Variants in PCDHA9 observed in about 807,000 individuals in gnomAD.
PCDHA9 encodes protocadherin alpha-9.
Under a neutral mutation model 62.0 loss-of-function variants are expected in PCDHA9, and 62 were observed. The ratio of observed to expected loss-of-function variants is 1.00; its 90% CI spans 0.81 to 1.23. The LOEUF is 1.23. Ranked by LOEUF, PCDHA9 falls within the 50% of genes most tolerant of loss-of-function variation. The pLI is 0.00. For synonymous variants in PCDHA9, 557 were observed against 567.6 expected, an observed-to-expected ratio of 0.98 and a Z score of 0.27; for missense variants, 1,205 against 1,249.8, an observed-to-expected ratio of 0.96 and a Z score of 0.54.
At chr5:141,009,374 G>A (rs567366098) in intron 3 of PCDHA9, among the ~76,000 whole-genome samples, 2 of 152,334 alleles carry the variant, frequency 1.3e-5, no homozygotes, top group African/African-American at 2.4e-5. Context: ...TGGGAGGATT[G>A]ATTGAGCACA....
At chr5:140,922,547 G>A (rs1269163353) in intron 1 of PCDHA9, among the ~76,000 whole-genome samples, 2 of 152,192 alleles carry the variant, frequency 1.3e-5, no homozygotes, top group Non-Finnish European at 2.9e-5. Context: ...GGCAAGGTAA[G>A]GAGAAAAGTC....
At position 140,848,511 on chromosome 5, in the gene PCDHA9, C is replaced by A. The variant is rs1554142145; in HGVS notation, c.16C>A (p.Arg6=). Residue 6 remains arginine (R), a synonymous_variant, in exon 1 of 4, where the codon CGA becomes AGA. Transcript: ENST00000532602. ...AGTATTTGAAATGTTATACTCAAGT[C>A]GAGGAGATCCAGAGGGTCAGCCTCT... is the stretch of plus-strand genomic sequence containing the variant. MLYSS[R]GDPEGQPLLL... is the part of the protein sequence containing the mutation. 3 of 1,589,608 alleles carry A rather than the reference C, an allele frequency of 1.9e-6. No individual in the cohort carries two copies. The Admixed American group carries it at 5.1e-5, about 27-fold the overall frequency.
At chr5:140,996,226 G>C (rs2097717630) in intron 3 of PCDHA9, among the ~76,000 whole-genome samples, 1 of 152,196 alleles carries the variant, frequency 6.6e-6, no homozygotes, top group South Asian at 2.1e-4. Context: ...GTCTAGAAAT[G>C]GTTGCTCAAG....
chr5:140,911,583 G>C (rs1245667621), intron 1 of PCDHA9, among the ~76,000 whole-genome samples: 4 of 152,150 alleles, frequency 2.6e-5, no homozygotes, highest in African/African-American at 7.2e-5. Context: ...GTGAACTTAG[G>C]AGGAACCAAC....
At chr5:140,872,562 G>A (rs2053754616) in intron 1 of PCDHA9, among the ~76,000 whole-genome samples, 1 of 152,072 alleles carries the variant, frequency 6.6e-6, no homozygotes, top group Non-Finnish European at 1.5e-5. Context: ...AGGGGTTCAG[G>A]GCTGCAGTGA....
At chr5:141,001,975 G>T (rs900969211) in intron 3 of PCDHA9, among the ~76,000 whole-genome samples, 2 of 152,302 alleles carry the variant, frequency 1.3e-5, no homozygotes, top group Non-Finnish European at 2.9e-5. Flanking sequence ...GTCTCTGCGC[G>T]GAAAGCCTGG....
chr5:140,897,790 T>C (rs1219376194), intron 1 of PCDHA9, among the ~76,000 whole-genome samples: 378 of 152,274 alleles, frequency 2.5e-3, no homozygotes, highest in African/African-American at 8.4e-3. Flanking sequence ...GTTGAACTAG[T>C]TTAGAGTCCC....
At chr5:140,921,353 A>G (rs943655623) in intron 1 of PCDHA9, among the ~76,000 whole-genome samples, 5 of 152,160 alleles carry the variant, frequency 3.3e-5, no homozygotes, top group Non-Finnish European at 5.9e-5. Flanking sequence ...ATATTTGCCT[A>G]TATTCAAGTT....
At chr5:140,927,059 G>T (rs2153586396) in intron 1 of PCDHA9, 1 of 1,611,324 alleles carries the variant, frequency 6.2e-7, no homozygotes, top group Middle Eastern at 1.7e-4. Flanking sequence ...CGGAACTTTC[G>T]CTTCCTTTCC....
chr5:140,981,220 C>T (rs1160783614), intron 2 of PCDHA9, among the ~76,000 whole-genome samples: 3 of 152,164 alleles, frequency 2.0e-5, no homozygotes, highest in African/African-American at 4.8e-5. Context: ...CCCCTTTAGT[C>T]AGTAGTCTAA....
rs563116049 is a variant in PCDHA9, at chr5:140,869,756, G to A, written c.2394+18867G>A. ...TTGCTGCTAACAGCTACAGACGGGGGAAAACCAGAGCTTACTGGCACCGTT... is the reference window on the plus strand; with the variant it reads ...TTGCTGCTAACAGCTACAGACGGGGAAAAACCAGAGCTTACTGGCACCGTT... On this transcript the variant is annotated intron_variant, in intron 1 of 3. Coordinates refer to ENST00000532602, the MANE Select transcript of PCDHA9 (RefSeq NM_031857.2). The A allele has an allele frequency of 3.2e-5, 51 of 1,613,194 alleles. No individual in the cohort carries two copies. Among genetic ancestry groups the A allele is most frequent in the Non-Finnish European group, 4.0e-5 (47 of 1,179,718 alleles).
chr5:140,968,312 C>A, intron 1 of PCDHA9: 2 of 1,613,960 alleles, frequency 1.2e-6, no homozygotes, highest in Non-Finnish European at 1.7e-6. Context: ...GATTCAAGGG[C>A]TGCCAGTCAC....
Position 140,850,643 on chromosome 5 carries a change from G to A in PCDHA9, c.2148G>A (p.Leu716=). The A allele has an allele frequency of 6.3e-7, 1 of 1,598,690 alleles. No homozygotes were observed. Among genetic ancestry groups the A allele is most frequent in the African/African-American group, 1.3e-5 (1 of 74,528 alleles). ...AVSSLLVLTL[L]LYTVLRCSAM... is the part of the protein sequence containing the mutation. The stretch of plus-strand genomic sequence containing the variant: ...CTAGCCTGTTGGTTCTCACGCTGCT[G>A]CTGTACACTGTGCTGCGGTGCTCGG... Residue 716 remains leucine, a synonymous_variant, in exon 1 of 4, where the codon CTG becomes CTA. Transcript: ENST00000532602.
chr5:140,870,078 G>A, intron 1 of PCDHA9: 1 of 1,613,838 alleles, frequency 6.2e-7, no homozygotes, highest in South Asian at 1.1e-5. Flanking sequence ...CAGATAAGGG[G>A]ACTCCCCCAA....
rs1368587662 is a variant in PCDHA9 at position 140,863,465 on chromosome 5, T to C, written c.2394+12576T>C. 19 of 507,706 alleles carry C rather than the reference T, an allele frequency of 3.7e-5. No individual in the cohort carries two copies. The Admixed American group carries it at 3.9e-4, about 10-fold the overall frequency. 31.5% of individuals were successfully genotyped at this position (507,706 alleles called of 1,614,324 possible). Reference sequence around the variant, plus strand: ...ACTCGCAGCAAAGGAGATTTTACTCTGGAGAGTCGCCTCCCAAGGTCAACA... The same window carrying C: ...ACTCGCAGCAAAGGAGATTTTACTCCGGAGAGTCGCCTCCCAAGGTCAACA... On this transcript the variant is annotated intron_variant, in intron 1 of 3. Coordinates refer to ENST00000532602, the MANE Select transcript of PCDHA9 (RefSeq NM_031857.2).
At chr5:140,902,905 G>A (rs933013740) in intron 1 of PCDHA9, among the ~76,000 whole-genome samples, 3 of 152,174 alleles carry the variant, frequency 2.0e-5, no homozygotes, top group Admixed American at 6.5e-5. Flanking sequence ...TTTAGTTTAT[G>A]GCTGAGTAGT....
chr5:140,935,380 A>C (rs1188418457), intron 1 of PCDHA9, among the ~76,000 whole-genome samples: 1 of 152,220 alleles, frequency 6.6e-6, no homozygotes, highest in Non-Finnish European at 1.5e-5. Context: ...AGAATTACTC[A>C]TTTGTTATCC....
intron 1 of PCDHA9, chr5:140,862,842 G>A (rs1554157108): frequency 1.7e-6 from 1 of 572,982 alleles, no homozygotes. Flanking sequence ...CGGGCATGCC[G>A]CCTCTGAGCA....
intron 1 of PCDHA9, among the ~76,000 whole-genome samples, chr5:140,941,214 C>CTTTTT (rs1554214039): frequency 1.2e-4 from 15 of 122,492 alleles, no homozygotes; most frequent in African/African-American, 4.3e-4. Context: ...TTTCTTTCTT[C>CTTTTT]CTTTCTTTCT....
Sources: allele counts gnomAD v4.1 joint callset (sites outside exome capture counted in the v4.1 genomes callset), GRCh38; gene constraint gnomAD v4.1.1; transcripts MANE v1.5; gene names NCBI Gene and HGNC (gene_info 2026-07-23, HGNC 2026-07-21).